NUP37: variants seen among roughly 807,000 people sequenced by gnomAD.
The protein encoded by NUP37 is nucleoporin 37.
Under a neutral mutation model 45.4 loss-of-function variants are expected in NUP37, and 33 were observed. The observed-to-expected ratio is 0.73, with a 90% CI of 0.55 to 0.97. The LOEUF (loss-of-function observed/expected upper bound fraction) is 0.97. NUP37 is among the 50% of genes least tolerant of loss of function. The pLI is 0.00. For missense variants in NUP37, 365 were observed against 389.7 expected (o/e 0.94, Z 0.53); for synonymous variants, 127 against 130.7 (o/e 0.97, Z 0.19).
At chr12:102,082,389 C>T (rs375362259) in intron 6 of NUP37, among the ~76,000 whole-genome samples, 2 of 152,194 alleles carry the variant, frequency 1.3e-5, no homozygotes, top group South Asian at 2.1e-4. Flanking sequence ...AGCACTGAAA[C>T]GACTGTAGAG....
At position 102,112,132 on chromosome 12, in the gene NUP37, A is replaced by C; in HGVS notation, c.257T>G (p.Leu86Arg). ...DGIAWSPETR[L>R]DSLPPVIKFC... is the part of the protein sequence containing the mutation. ...CTTGATTACTGGAGGCAATGAATCA[A>C]GTCTAGTCTCTGGGCTCCAAGCTAT... Residue 86 changes from leucine (L) to arginine (R), a missense_variant, in exon 3 of 10, where the codon CTT becomes CGT. Transcript: ENST00000552283. 1 of 1,613,924 alleles carries C rather than the reference A, an allele frequency of 6.2e-7. No homozygotes were observed. Among genetic ancestry groups the C allele is most frequent in the Non-Finnish European group, 8.5e-7 (1 of 1,179,880 alleles).
chr12:102,078,192 G>A (rs1490515476), intron 6 of NUP37, among the ~76,000 whole-genome samples: 3 of 151,822 alleles, frequency 2.0e-5, no homozygotes. Context: ...TTAGCCGGTT[G>A]TGGTGGCATG....
intron 3 of NUP37, among the ~76,000 whole-genome samples, chr12:102,108,851 T>C (rs1880232310): frequency 6.6e-6 from 1 of 152,212 alleles, no homozygotes; most frequent in Admixed American, 6.5e-5. Flanking sequence ...TAAAACTTTG[T>C]TCAAAATGTC....
Position 102,085,804 on chromosome 12 carries a change from C to T in NUP37, c.502G>A (p.Gly168Ser). 1 of 1,601,024 alleles carries T rather than the reference C, an allele frequency of 6.2e-7. No individual in the cohort carries two copies. Among genetic ancestry groups the T allele is most frequent in the Non-Finnish European group, 8.5e-7 (1 of 1,169,920 alleles). The change falls in exon 6 of 10, where the codon GGC (glycine) becomes AGC (serine). Residue 168 changes from glycine (G) to serine (S), a missense_variant. Physicochemically the swap from Gly to Ser is moderately conservative, Grantham distance 56 (BLOSUM62 0). Transcript: ENST00000552283. ...TCAGGATGCCAGCACACACTCATGCCAGGAGAATGAAGAACAAAATGAGCT... is the reference window on the plus strand; with the variant it reads ...TCAGGATGCCAGCACACACTCATGCTAGGAGAATGAAGAACAAAATGAGCT... ...QTAHFVLHSP[G>S]MSVCWHPEET...
intron 6 of NUP37, among the ~76,000 whole-genome samples, chr12:102,085,380 C>G (rs1019717976): frequency 6.6e-6 from 1 of 152,102 alleles, no homozygotes; most frequent in Non-Finnish European, 1.5e-5. Context: ...CAAGATCACA[C>G]CACTGCACTC....
chr12:102,117,836 T>C (rs1880508868), intron 2 of NUP37, among the ~76,000 whole-genome samples: 1 of 152,210 alleles, frequency 6.6e-6, no homozygotes, highest in South Asian at 2.1e-4. Flanking sequence ...ATTCCAGTTC[T>C]AGAATTCATG....
intron 1 of NUP37, 129 bp from the exon 2 acceptor site, chr12:102,118,712 G>C: frequency 1.9e-6 from 1 of 515,970 alleles, no homozygotes; most frequent in Non-Finnish European, 3.4e-6. Flanking sequence ...TACTTATCAA[G>C]GGACAGAAAC....
At chr12:102,107,499 G>A (rs967885790) in intron 3 of NUP37, among the ~76,000 whole-genome samples, 5 of 152,258 alleles carry the variant, frequency 3.3e-5, no homozygotes, top group Admixed American at 1.3e-4. Context: ...AATACGTGTC[G>A]GCTGTTGGGG....
chr12:102,113,748 A>C (rs148692160), intron 2 of NUP37, among the ~76,000 whole-genome samples: 74 of 152,302 alleles, frequency 4.9e-4, no homozygotes, highest in Non-Finnish European at 8.5e-4. Context: ...TATTTAATGA[A>C]ATACGTATGT....
At chr12:102,100,502 T>C (rs763817829) in intron 4 of NUP37, among the ~76,000 whole-genome samples, 3 of 152,194 alleles carry the variant, frequency 2.0e-5, no homozygotes, top group Non-Finnish European at 4.4e-5. Context: ...CATAATCCTA[T>C]AAGGCAGCTG....
Position 102,099,205 on chromosome 12 carries a change from CAGAA to C in NUP37, c.355-9_355-6del. The C allele has an allele frequency of 6.3e-7, 1 of 1,592,710 alleles. No individual in the cohort carries two copies. Among genetic ancestry groups the C allele is most frequent in the Non-Finnish European group, 8.6e-7 (1 of 1,160,884 alleles). ...ATCGGTATGGCCCTCTAAAACCTGA[CAGAA>C]AGAGAAACAGAAAGCTTAGCAAGAA... On this transcript the variant is annotated splice_region_variant and splice_polypyrimidine_tract_variant and intron_variant, in intron 4 of 9. Transcript: ENST00000552283.
intron 3 of NUP37, among the ~76,000 whole-genome samples, chr12:102,107,014 T>C (rs544413621): frequency 6.6e-5 from 10 of 152,308 alleles, no homozygotes; most frequent in Middle Eastern, 3.4e-3. Context: ...ACAATTCCTG[T>C]CTTTCCACAT....
At chr12:102,091,600 TTG>T (rs1879657953) in intron 5 of NUP37, among the ~76,000 whole-genome samples, 1 of 152,032 alleles carries the variant, frequency 6.6e-6, no homozygotes. Context: ...ATTTAAATGT[TTG>T]CAAGGGAAAT....
intron 2 of NUP37, among the ~76,000 whole-genome samples, chr12:102,116,956 C>T (rs994211506): frequency 1.4e-4 from 21 of 152,014 alleles, no homozygotes; most frequent in Admixed American, 7.2e-4. Context: ...GAGCAGAGAT[C>T]GCACCACTGC....
chr12:102,091,929 G>C (rs966285133), intron 5 of NUP37, among the ~76,000 whole-genome samples: 2 of 152,052 alleles, frequency 1.3e-5, no homozygotes, highest in African/African-American at 4.8e-5. Flanking sequence ...GTGCTTTTCA[G>C]CAGAACATTA....
chr12:102,074,671 C>T (rs1188587650), intron 9 of NUP37: 1 of 526,900 alleles, frequency 1.9e-6, no homozygotes, highest in Admixed American at 3.5e-5. Context: ...ATAACTGGTA[C>T]AGTCCAGACT....
At chr12:102,076,672 C>A (rs1449883951) in intron 8 of NUP37, 125 bp downstream of exon 8, 8 of 676,942 alleles carry the variant, frequency 1.2e-5, no homozygotes, top group South Asian at 2.0e-5. Context: ...AGTAAAATAA[C>A]CACTTATAAA....
chr12:102,097,511 T>G (rs977357577), intron 5 of NUP37, among the ~76,000 whole-genome samples: 2 of 152,148 alleles, frequency 1.3e-5, no homozygotes, highest in African/African-American at 4.8e-5. Flanking sequence ...GTCAGTCCCC[T>G]AAATTTTTAG....
At chr12:102,101,167 C>T in intron 3 of NUP37, 63 bp from the exon 4 acceptor site, 1 of 790,018 alleles carries the variant, frequency 1.3e-6, no homozygotes, top group Non-Finnish European at 2.0e-6. Context: ...GTCTCCCCCT[C>T]CCCCCCATCC....
Sources: gnomAD v4.1 joint callset for allele counts (sites outside exome capture counted in the v4.1 genomes callset) on GRCh38, gnomAD v4.1.1 for gene constraint, MANE v1.5 for transcripts, NCBI Gene and HGNC (gene_info 2026-07-23, HGNC 2026-07-21) for gene names.